CDH12: variants seen among roughly 807,000 people sequenced by gnomAD.
CDH12 encodes cadherin 12.
A neutral mutation model predicts 74.1 loss-of-function variants in CDH12; 41 were observed. The ratio of observed to expected loss-of-function variants is 0.55; its 90% CI spans 0.43 to 0.72. CDH12 has a LOEUF of 0.72. CDH12 is among the 30% of genes least tolerant of loss of function. CDH12 has a pLI of 0.00. For missense variants in CDH12, 945 were observed against 977.2 expected (o/e 0.97, Z 0.44); for synonymous variants, 399 against 355.0 (o/e 1.12, Z -1.39).
Position 22,072,681 on chromosome 5 carries a change from G to A in CDH12, c.231+5765C>T, listed in dbSNP as rs149357019. ...GTTGGTGTGCTGCACCCATTAACTCGTCATTTACATTAGGTATATCTCCTA... is the reference window on the plus strand; with the variant it reads ...GTTGGTGTGCTGCACCCATTAACTCATCATTTACATTAGGTATATCTCCTA... On this transcript the variant is annotated intron_variant, in intron 5 of 14. Transcript: ENST00000382254. Among the ~76,000 whole-genome samples the A allele has an allele frequency of 1.9e-3, 290 of 151,838 alleles. 4 individuals are homozygous for A. Among genetic ancestry groups the A allele is most frequent in the African/African-American group, 6.5e-3 (270 of 41,400 alleles).
chr5:22,597,125 A>G (rs1358052877), intron 1 of CDH12, among the ~76,000 whole-genome samples: 5 of 152,186 alleles, frequency 3.3e-5, no homozygotes, highest in African/African-American at 1.2e-4. Flanking sequence ...AGTTCAGGTA[A>G]AAATTCTTTG....
intron 1 of CDH12, among the ~76,000 whole-genome samples, chr5:22,537,008 C>T (rs959620425): frequency 3.3e-5 from 5 of 152,150 alleles, no homozygotes; most frequent in African/African-American, 1.2e-4. Context: ...CCCATCAGAA[C>T]TGACACACCA....
At chr5:22,566,823 T>C (rs1250286427) in intron 1 of CDH12, among the ~76,000 whole-genome samples, 2 of 152,188 alleles carry the variant, frequency 1.3e-5, no homozygotes, top group Non-Finnish European at 2.9e-5. Flanking sequence ...TCTCTATGTC[T>C]CATTGCTATG....
intron 4 of CDH12, among the ~76,000 whole-genome samples, chr5:22,084,794 G>A (rs1742960264): frequency 1.3e-5 from 2 of 152,100 alleles, no homozygotes; most frequent in South Asian, 4.1e-4. Context: ...GAGATTGAAG[G>A]ACTCCAGTTC....
At chr5:22,795,449 T>C (rs533289539) in intron 1 of CDH12, among the ~76,000 whole-genome samples, 5 of 152,126 alleles carry the variant, frequency 3.3e-5, no homozygotes, top group Admixed American at 6.5e-5. Flanking sequence ...TGAACAGATC[T>C]CCAGTATTTC....
chr5:22,022,057 G>C (rs1368893745), intron 5 of CDH12, among the ~76,000 whole-genome samples: 2 of 152,086 alleles, frequency 1.3e-5, no homozygotes, highest in Non-Finnish European at 2.9e-5. Context: ...TGCTGGTCTT[G>C]AACTCCTAGC....
chr5:22,271,610 T>G (rs2150400594), intron 3 of CDH12, among the ~76,000 whole-genome samples: 2 of 152,298 alleles, frequency 1.3e-5, no homozygotes, highest in Middle Eastern at 3.4e-3. Flanking sequence ...AACTATAGCC[T>G]TATGTGAGAT....
At chr5:22,808,638 G>T (rs1161196600) in intron 1 of CDH12, among the ~76,000 whole-genome samples, 1 of 121,276 alleles carries the variant, frequency 8.2e-6, no homozygotes, top group African/African-American at 3.3e-5. Flanking sequence ...ATGGAGTCTC[G>T]CTTTGTTGCC....
At chr5:22,268,135 T>C (rs1229769827) in intron 3 of CDH12, among the ~76,000 whole-genome samples, 1 of 151,992 alleles carries the variant, frequency 6.6e-6, no homozygotes, top group Non-Finnish European at 1.5e-5. Flanking sequence ...GAACGTGTGT[T>C]TGCATAATAA....
At chr5:22,631,010 C>G (rs1023658103) in intron 1 of CDH12, among the ~76,000 whole-genome samples, 1 of 152,014 alleles carries the variant, frequency 6.6e-6, no homozygotes, top group Admixed American at 6.6e-5. Context: ...AAAGAAGATA[C>G]ATGCAGACAT....
At chr5:22,673,919 T>G (rs1580874124) in intron 1 of CDH12, among the ~76,000 whole-genome samples, 1 of 152,306 alleles carries the variant, frequency 6.6e-6, no homozygotes, top group South Asian at 2.1e-4. Context: ...AAGAAAAATC[T>G]AAGATCTTTT....
intron 3 of CDH12, among the ~76,000 whole-genome samples, chr5:22,218,661 C>A (rs912471822): frequency 2.0e-5 from 3 of 151,602 alleles, no homozygotes; most frequent in Admixed American, 1.3e-4. Flanking sequence ...GGTGGCTTCA[C>A]AGGTGTATAT....
At chr5:22,275,883 T>A (rs140425048) in intron 3 of CDH12, among the ~76,000 whole-genome samples, 1 of 152,128 alleles carries the variant, frequency 6.6e-6, no homozygotes, top group African/African-American at 2.4e-5. Flanking sequence ...CTTTGCCCAA[T>A]TGGTGATTTA....
At chr5:22,309,221 AG>A (rs1441900299) in intron 3 of CDH12, among the ~76,000 whole-genome samples, 1 of 152,210 alleles carries the variant, frequency 6.6e-6, no homozygotes, top group Non-Finnish European at 1.5e-5. Flanking sequence ...TTCTTCTCTA[AG>A]GTTGTTGTGT....
intron 11 of CDH12, among the ~76,000 whole-genome samples, chr5:21,770,349 C>T (rs529620041): frequency 1.3e-5 from 2 of 152,178 alleles, no homozygotes; most frequent in East Asian, 1.9e-4. Context: ...TTCGGCCAGG[C>T]ATGGTGGCTC....
chr5:21,857,957 G>A (rs1464440009), intron 6 of CDH12, among the ~76,000 whole-genome samples: 1 of 151,672 alleles, frequency 6.6e-6, no homozygotes, highest in Non-Finnish European at 1.5e-5. Context: ...GACAGAGAGA[G>A]GGAGAGAGGC....
chr5:22,642,907 T>C (rs1423224165), intron 1 of CDH12, among the ~76,000 whole-genome samples: 2 of 152,164 alleles, frequency 1.3e-5, no homozygotes, highest in Non-Finnish European at 2.9e-5. Flanking sequence ...GGTTTTTGTC[T>C]CTAGAATTGA....
chr5:22,817,432 T>C (rs945080329), intron 1 of CDH12, among the ~76,000 whole-genome samples: 17 of 152,124 alleles, frequency 1.1e-4, no homozygotes, highest in Non-Finnish European at 1.9e-4. Context: ...TTAAATTACA[T>C]GAAAAGGTAA....
At chr5:22,718,985 GC>G (rs1412685831) in intron 1 of CDH12, among the ~76,000 whole-genome samples, 26 of 152,140 alleles carry the variant, frequency 1.7e-4, no homozygotes, top group Admixed American at 6.5e-4. Flanking sequence ...TAAATATAGA[GC>G]TTTTACTGAG....
Sources: gnomAD v4.1 joint callset for allele counts (sites outside exome capture counted in the v4.1 genomes callset) on GRCh38, gnomAD v4.1.1 for gene constraint, MANE v1.5 for transcripts, NCBI Gene and HGNC (gene_info 2026-07-23, HGNC 2026-07-21) for gene names.